The following DNAAF19 variants were observed in gnomAD, a reference collection of about 807,000 sequenced individuals.
DNAAF19 encodes the protein coiled-coil domain containing 103.
At chr17:44,904,162 G>C in the DNAAF19 span, 19 of 1,550,230 alleles carry the variant, frequency 1.2e-5, no homozygotes. Flanking sequence ...TCAGCTTGTT[G>C]GTTTTCAGGG....
the DNAAF19 span, chr17:44,900,873 G>C: frequency 1.0e-6 from 1 of 977,680 alleles, no homozygotes. Context: ...CCCAATCTGA[G>C]TGACATGATG....
At chr17:44,902,733 G>A in the DNAAF19 span, 1 of 1,611,460 alleles carries the variant, frequency 6.2e-7, no homozygotes, top group Non-Finnish European at 8.5e-7. Flanking sequence ...GCTGGGAGGA[G>A]CAGGGTCTGG....
chr17:44,904,495 G>A, the DNAAF19 span: 30 of 1,548,788 alleles, frequency 1.9e-5, no homozygotes, highest in Non-Finnish European at 2.5e-5. Context: ...TGCCAAGGAA[G>A]CTGCGGACCA....
chr17:44,901,442 AC>A, the DNAAF19 span: 6 of 1,529,482 alleles, frequency 3.9e-6, no homozygotes, highest in Non-Finnish European at 5.4e-6. Flanking sequence ...TTTATCCTAT[AC>A]CATGCAAAGT....
the DNAAF19 span, among the ~76,000 whole-genome samples, chr17:44,900,324 T>C: frequency 6.6e-6 from 1 of 150,552 alleles, no homozygotes; most frequent in Non-Finnish European, 1.5e-5. Context: ...GTAGAAATGA[T>C]CAGTCAGCCT....
At chr17:44,904,800 T>C in the DNAAF19 span, 7 of 1,550,494 alleles carry the variant, frequency 4.5e-6, no homozygotes, top group Non-Finnish European at 6.1e-6. Context: ...AGGGTGTTCA[T>C]TGACCACGGC....
At chr17:44,901,457 G>A in the DNAAF19 span, 1 of 1,585,724 alleles carries the variant, frequency 6.3e-7, no homozygotes, top group Non-Finnish European at 8.6e-7. Flanking sequence ...GCAAAGTCTA[G>A]CTGCCTCACA....
the DNAAF19 span, chr17:44,901,059 A>G: frequency 7.5e-6 from 12 of 1,601,178 alleles, no homozygotes; most frequent in East Asian, 2.0e-4. Flanking sequence ...GGCTGCACTC[A>G]CTGCTGATGA....
chr17:44,905,058 G>T, the DNAAF19 span: 1 of 1,542,746 alleles, frequency 6.5e-7, no homozygotes, highest in Non-Finnish European at 8.8e-7. Context: ...TGTTGTCCCA[G>T]CTTCTCCCCC....
At chr17:44,904,586 G>A in the DNAAF19 span, 195 of 1,550,594 alleles carry the variant, frequency 1.3e-4, no homozygotes, top group South Asian at 6.3e-4. Context: ...CCGGGAGGGC[G>A]TGCTGGCCAT....
the DNAAF19 span, chr17:44,899,977 A>G: frequency 1.3e-5 from 2 of 152,176 alleles, no homozygotes; most frequent in African/African-American, 4.8e-5. Context: ...TAGGGTGGCT[A>G]TGGGATTGGT....
the DNAAF19 span, chr17:44,904,793 G>T: frequency 1.3e-6 from 2 of 1,550,498 alleles, no homozygotes; most frequent in African/African-American, 2.7e-5. Flanking sequence ...GTCCATGAGG[G>T]TGTTCATTGA....
chr17:44,904,477 A>G, the DNAAF19 span: 1 of 1,547,456 alleles, frequency 6.5e-7, no homozygotes, highest in Non-Finnish European at 8.7e-7. Flanking sequence ...CTTGTGGCTC[A>G]AGGGCTGTGC....
At chr17:44,901,955 T>C in the DNAAF19 span, among the ~76,000 whole-genome samples, 102 of 152,108 alleles carry the variant, frequency 6.7e-4, no homozygotes, top group Non-Finnish European at 1.2e-3. Flanking sequence ...GCCTCTGGGT[T>C]GTATGGTGTC....
At chr17:44,903,461 G>T in the DNAAF19 span, 1 of 1,265,594 alleles carries the variant, frequency 7.9e-7, no homozygotes, top group Non-Finnish European at 9.9e-7. Flanking sequence ...GCAGGGCAGG[G>T]CCTGGAGCAC....
the DNAAF19 span, chr17:44,901,579 A>T: frequency 6.2e-7 from 1 of 1,614,206 alleles, no homozygotes; most frequent in Non-Finnish European, 8.5e-7. Flanking sequence ...ATGGGAGGAA[A>T]GAGAACTGTG....
At chr17:44,901,497 T>G in the DNAAF19 span, 2 of 1,613,926 alleles carry the variant, frequency 1.2e-6, no homozygotes, top group Non-Finnish European at 8.5e-7. Context: ...GTCCATTGCC[T>G]AATTTCTGTC....
the DNAAF19 span, chr17:44,903,221 A>T: frequency 7.9e-7 from 1 of 1,258,056 alleles, no homozygotes; most frequent in East Asian, 2.9e-5. Flanking sequence ...TCTTAACAAG[A>T]ATGTTTATAG....
the DNAAF19 span, chr17:44,903,438 T>C: frequency 1.6e-6 from 2 of 1,251,584 alleles, no homozygotes; most frequent in African/African-American, 1.5e-5. Flanking sequence ...TGAAAGACTT[T>C]TCCACCAGGC....
Sources: allele counts gnomAD v4.1 joint callset (sites outside exome capture counted in the v4.1 genomes callset), GRCh38; gene constraint gnomAD v4.1.1; transcripts MANE v1.5; gene names NCBI Gene and HGNC (gene_info 2026-07-23, HGNC 2026-07-21).